CACNB4: variants seen among roughly 807,000 people sequenced by gnomAD.
CACNB4 encodes the protein calcium voltage-gated channel auxiliary subunit beta 4, also known as voltage-dependent L-type calcium channel subunit beta-4.
A neutral mutation model predicts 71.2 loss-of-function variants in CACNB4; 32 were observed. The observed-to-expected ratio is 0.45, with a 90% CI of 0.34 to 0.60. The LOEUF is 0.60. Among genes scored for constraint, CACNB4 ranks in the 20% least tolerant of loss-of-function variants. The pLI is 0.01. For missense variants in CACNB4, 464 were observed against 647.9 expected (o/e 0.72, Z 3.08); for synonymous variants, 231 against 236.9 (o/e 0.97, Z 0.23).
chr2:151,985,120 T>C (rs113730644), intron 2 of CACNB4, among the ~76,000 whole-genome samples: 453 of 152,280 alleles, frequency 3.0e-3, no homozygotes, highest in Middle Eastern at 0.02. Flanking sequence ...TGCAGAAAAC[T>C]TGGAAAATTC....
intron 2 of CACNB4, chr2:151,969,754 T>A (rs181255021): frequency 5.3e-5 from 8 of 152,358 alleles, no homozygotes; most frequent in South Asian, 4.1e-4. Flanking sequence ...AATGTGTACG[T>A]ACATGTAAAT....
At chr2:151,997,832 T>A (rs927229409) in intron 2 of CACNB4, among the ~76,000 whole-genome samples, 1 of 152,198 alleles carries the variant, frequency 6.6e-6, no homozygotes, top group South Asian at 2.1e-4. Flanking sequence ...GAAACAAGTA[T>A]GTCCTAAACC....
At chr2:152,079,952 C>T (rs907982331) in intron 2 of CACNB4, among the ~76,000 whole-genome samples, 11 of 152,252 alleles carry the variant, frequency 7.2e-5, no homozygotes, top group African/African-American at 2.6e-4. Context: ...TTCTAATGTA[C>T]AGCCAAGGTT....
intron 2 of CACNB4, among the ~76,000 whole-genome samples, chr2:151,947,263 C>T (rs62175745): frequency 0.019 from 2,849 of 152,258 alleles, 32 homozygotes; most frequent in Middle Eastern, 0.031. Context: ...GAGAAGATGT[C>T]CAGGGCTTGC....
intron 2 of CACNB4, among the ~76,000 whole-genome samples, chr2:152,013,158 G>C (rs1045056370): frequency 2.0e-5 from 3 of 152,168 alleles, no homozygotes; most frequent in African/African-American, 7.2e-5. Flanking sequence ...ACACCATCTA[G>C]GTTTGTGTAA....
At chr2:151,895,099 CACACACACACACA>C (rs1173055430) in intron 2 of CACNB4, among the ~76,000 whole-genome samples, 439 of 19,166 alleles carry the variant, frequency 0.023, 9 homozygotes, top group Admixed American at 0.036. Context: ...AATAGCCCCA[CACACACACACACA>C]CACACACACA....
chr2:152,011,427 G>A (rs1252709843), intron 2 of CACNB4, among the ~76,000 whole-genome samples: 2 of 152,144 alleles, frequency 1.3e-5, no homozygotes, highest in African/African-American at 4.8e-5. Context: ...AAGTTGTTGA[G>A]GTTATTGCTT....
chr2:151,996,894 C>T (rs890321078), intron 2 of CACNB4, among the ~76,000 whole-genome samples: 1 of 151,736 alleles, frequency 6.6e-6, no homozygotes, highest in Non-Finnish European at 1.5e-5. Flanking sequence ...GAAGCTCCTG[C>T]TTTCAAACTG....
chr2:151,872,733 C>A, intron 5 of CACNB4: 1 of 333,776 alleles, frequency 3.0e-6, no homozygotes, highest in Non-Finnish European at 5.4e-6. Context: ...TTACTCAGTG[C>A]GGAAATCAGA....
chr2:151,923,159 T>C lies in CACNB4; in HGVS notation c.148-39789A>G, dbSNP rs2099859382. Among the ~76,000 whole-genome samples the C allele has an allele frequency of 3.3e-5, 5 of 152,200 alleles. No individual in the cohort carries two copies. In the South Asian group the frequency reaches 1.0e-3, roughly 31 times the overall value. On this transcript the variant is annotated intron_variant, in intron 2 of 13. Coordinates refer to ENST00000539935, the MANE Select transcript of CACNB4 (RefSeq NM_000726.5). ...TTATTTTAAGAAATAATAACAACTA[T>C]GCTCAACCAAACAAAAGCAACTGCA...
intron 2 of CACNB4, among the ~76,000 whole-genome samples, chr2:151,890,367 A>G (rs933018244): frequency 6.6e-6 from 1 of 152,174 alleles, no homozygotes; most frequent in Non-Finnish European, 1.5e-5. Context: ...TGTTAAAGGG[A>G]AGCGGAAGAG....
intron 2 of CACNB4, among the ~76,000 whole-genome samples, chr2:152,002,922 C>T (rs1682506305): frequency 6.6e-6 from 1 of 152,168 alleles, no homozygotes. Context: ...AGCAGAAAGT[C>T]TCCATTTGAA....
rs141963492 is a variant in CACNB4 at position 152,046,542 on chromosome 2, T to C, written c.147+51788A>G. Among the ~76,000 whole-genome samples the C allele has an allele frequency of 6.6e-5, 10 of 152,272 alleles. No individual in the cohort carries two copies. The East Asian group carries it at 1.5e-3, about 24-fold the overall frequency. ...CTCTCCTCCTTCCATCTCACCCTCATTTCCTTTCTGGTTTAATTCTCCACC... is the reference window on the plus strand; with the variant it reads ...CTCTCCTCCTTCCATCTCACCCTCACTTCCTTTCTGGTTTAATTCTCCACC... On this transcript the variant is annotated intron_variant, in intron 2 of 13. Coordinates refer to ENST00000539935, the MANE Select transcript of CACNB4 (RefSeq NM_000726.5).
chr2:151,896,852 T>G (rs1369924775), intron 2 of CACNB4, among the ~76,000 whole-genome samples: 1 of 152,238 alleles, frequency 6.6e-6, no homozygotes, highest in Non-Finnish European at 1.5e-5. Context: ...ACTTAAGAGA[T>G]AGATTTCATT....
chr2:152,024,304 G>C (rs1683845470), intron 2 of CACNB4, among the ~76,000 whole-genome samples: 2 of 152,172 alleles, frequency 1.3e-5, no homozygotes, highest in South Asian at 4.1e-4. Flanking sequence ...CTGTGCCTGG[G>C]CAACAGAGCT....
Position 151,839,088 on chromosome 2 carries a change from C to T in CACNB4, c.*31G>A, listed in dbSNP as rs113569079. On this transcript the variant is annotated 3_prime_UTR_variant, in exon 14 of 14. Transcript: ENST00000539935. ...TCCTAGCACTGCTATGGCAAATTGTCAACAGATGAATATTTTTTGTTTCAT... is the reference window on the plus strand; with the variant it reads ...TCCTAGCACTGCTATGGCAAATTGTTAACAGATGAATATTTTTTGTTTCAT... 19 of 1,590,056 alleles carry T rather than the reference C, an allele frequency of 1.2e-5. No homozygotes were observed. In the African/African-American group the frequency reaches 2.4e-4, roughly 20 times the overall value.
intron 2 of CACNB4, among the ~76,000 whole-genome samples, chr2:152,027,493 C>T (rs1684040548): frequency 6.6e-6 from 1 of 152,190 alleles, no homozygotes; most frequent in African/African-American, 2.4e-5. Flanking sequence ...TGCCACCTCC[C>T]CTCCTGACTC....
intron 2 of CACNB4, among the ~76,000 whole-genome samples, chr2:151,963,080 A>G (rs1322544827): frequency 1.3e-5 from 2 of 152,244 alleles, no homozygotes; most frequent in Non-Finnish European, 2.9e-5. Flanking sequence ...TGGGAGGCCA[A>G]TGCGGGCAGA....
At chr2:152,000,225 G>A (rs543452028) in intron 2 of CACNB4, among the ~76,000 whole-genome samples, 1 of 152,168 alleles carries the variant, frequency 6.6e-6, no homozygotes, top group African/African-American at 2.4e-5. Context: ...ACACCTACAT[G>A]TCCAGACCTA....
Sources: gnomAD v4.1 joint callset for allele counts (sites outside exome capture counted in the v4.1 genomes callset) on GRCh38, gnomAD v4.1.1 for gene constraint, MANE v1.5 for transcripts, NCBI Gene and HGNC (gene_info 2026-07-23, HGNC 2026-07-21) for gene names.